The following MECOM variants were observed in gnomAD, a reference collection of about 807,000 sequenced individuals.
MECOM encodes the protein MDS1 and EVI1 complex locus.
MECOM carries 13 observed loss-of-function variants against 116.3 expected under a neutral mutation model. That is an observed-to-expected ratio of 0.11 (90% CI 0.07 to 0.18). MECOM has a LOEUF of 0.18. Among genes scored for constraint, MECOM ranks in the 10% least tolerant of loss-of-function variants. The pLI, the probability that MECOM is intolerant of heterozygous loss-of-function variation, is 1.00. For missense variants in MECOM, 1,299 were observed against 1,509.0 expected (o/e 0.86, Z 2.31); for synonymous variants, 528 against 535.2 (o/e 0.99, Z 0.19).
intron 1 of MECOM, among the ~76,000 whole-genome samples, chr3:169,514,079 T>C (rs1214321625): frequency 6.6e-6 from 1 of 152,140 alleles, no homozygotes; most frequent in Non-Finnish European, 1.5e-5. Context: ...AGAAATCTAA[T>C]TTTAGGGGGA....
chr3:169,187,733 G>T (rs1746969321), intron 2 of MECOM, among the ~76,000 whole-genome samples: 1 of 152,104 alleles, frequency 6.6e-6, no homozygotes, highest in Admixed American at 6.6e-5. Flanking sequence ...CAAGAGACCA[G>T]ACATACCTGC....
chr3:169,549,555 T>A (rs1761121526), intron 1 of MECOM, among the ~76,000 whole-genome samples: 1 of 152,138 alleles, frequency 6.6e-6, no homozygotes, highest in Non-Finnish European at 1.5e-5. Context: ...GTGGACTGCC[T>A]TAGATTGTTC....
At chr3:169,593,949 T>C (rs184394623) in intron 1 of MECOM, among the ~76,000 whole-genome samples, 129 of 151,978 alleles carry the variant, frequency 8.5e-4, no homozygotes, top group Middle Eastern at 3.4e-3. Context: ...TGAAACCTTG[T>C]CTCTACTAAA....
At chr3:169,454,899 G>A (rs542763182) in intron 1 of MECOM, among the ~76,000 whole-genome samples, 23 of 152,152 alleles carry the variant, frequency 1.5e-4, no homozygotes, top group Non-Finnish European at 2.9e-4. Context: ...ACCAAAGATT[G>A]GCTGCTTTAT....
rs375354141 is a variant in MECOM, at chr3:169,594,680, C to T, written c.37+68656G>A. Among the ~76,000 whole-genome samples, 9 of 151,390 alleles carry T rather than the reference C, an allele frequency of 5.9e-5. No homozygotes were observed. In the East Asian group the frequency reaches 1.2e-3, roughly 20 times the overall value. On this transcript the variant is annotated intron_variant, in intron 1 of 16. Transcript: ENST00000651503. ...TGAGCAAGGGAGATCCAGGCCCATC[C>T]GCTCCCACTAGTCCATCTGCAGGCA...
chr3:169,445,599 C>G (rs1744487796), intron 1 of MECOM, among the ~76,000 whole-genome samples: 1 of 152,190 alleles, frequency 6.6e-6, no homozygotes, highest in Non-Finnish European at 1.5e-5. Context: ...TGTGGGGTCA[C>G]AGCCCCCACA....
chr3:169,289,294 T>A (rs536350112), intron 2 of MECOM, among the ~76,000 whole-genome samples: 1 of 152,332 alleles, frequency 6.6e-6, no homozygotes. Context: ...AACAAGAACC[T>A]CCTCGTGGAT....
chr3:169,468,169 GT>G (rs1295464388), intron 1 of MECOM, among the ~76,000 whole-genome samples: 1 of 150,752 alleles, frequency 6.6e-6, no homozygotes, highest in Non-Finnish European at 1.5e-5. Context: ...CTCTCCCAGG[GT>G]TCCCTACACT....
At chr3:169,442,703 G>A (rs1005190098) in intron 1 of MECOM, among the ~76,000 whole-genome samples, 2 of 152,178 alleles carry the variant, frequency 1.3e-5, no homozygotes, top group Admixed American at 6.5e-5. Context: ...TTCTAAAAGT[G>A]AGGCTATTGC....
chr3:169,387,515 C>A (rs1194054604), intron 1 of MECOM, among the ~76,000 whole-genome samples: 2 of 152,174 alleles, frequency 1.3e-5, no homozygotes, highest in African/African-American at 4.8e-5. Flanking sequence ...TCAGCATTAT[C>A]ATTAGTGATA....
chr3:169,186,194 A>G (rs897068415), intron 2 of MECOM, among the ~76,000 whole-genome samples: 2 of 152,134 alleles, frequency 1.3e-5, no homozygotes, highest in Non-Finnish European at 2.9e-5. Context: ...GTTATAGCTT[A>G]TTTCCAATAC....
At chr3:169,158,079 T>G (rs1425629617) in intron 2 of MECOM, among the ~76,000 whole-genome samples, 2 of 152,174 alleles carry the variant, frequency 1.3e-5, no homozygotes, top group African/African-American at 4.8e-5. Flanking sequence ...CCACATCCAT[T>G]CTACAAGAGC....
chr3:169,436,025 T>C (rs906105542), intron 1 of MECOM, among the ~76,000 whole-genome samples: 1 of 152,202 alleles, frequency 6.6e-6, no homozygotes, highest in Non-Finnish European at 1.5e-5. Flanking sequence ...GTTAATAACA[T>C]AGGCACTTGC....
At chr3:169,519,897 G>A (rs1272885630) in intron 1 of MECOM, among the ~76,000 whole-genome samples, 1 of 152,216 alleles carries the variant, frequency 6.6e-6, no homozygotes, top group Non-Finnish European at 1.5e-5. Context: ...ACTCCATCCT[G>A]TCTCACCCCA....
intron 1 of MECOM, among the ~76,000 whole-genome samples, chr3:169,448,634 G>T (rs1315161203): frequency 2.0e-5 from 3 of 152,100 alleles, no homozygotes; most frequent in Admixed American, 2.0e-4. Flanking sequence ...CCCCTGGCCT[G>T]GGAAGAGGAG....
chr3:169,449,814 C>G (rs1037485680), intron 1 of MECOM, among the ~76,000 whole-genome samples: 3 of 152,160 alleles, frequency 2.0e-5, no homozygotes, highest in Non-Finnish European at 4.4e-5. Flanking sequence ...GAAATCCTCA[C>G]TTTCCTTAAT....
chr3:169,117,049 T>A (rs2149085243), intron 7 of MECOM, among the ~76,000 whole-genome samples: 1 of 152,324 alleles, frequency 6.6e-6, no homozygotes, highest in East Asian at 1.9e-4. Context: ...TTAAATTCCA[T>A]CATGCATTGA....
chr3:169,267,591 G>A (rs1328554142), intron 2 of MECOM, among the ~76,000 whole-genome samples: 1 of 152,100 alleles, frequency 6.6e-6, no homozygotes, highest in Admixed American at 6.6e-5. Context: ...TGGAACATTA[G>A]CCTATGTTTG....
intron 1 of MECOM, among the ~76,000 whole-genome samples, chr3:169,519,187 T>C (rs191728137): frequency 1.6e-4 from 24 of 152,344 alleles, no homozygotes; most frequent in African/African-American, 5.3e-4. Context: ...TTGTCCAGTT[T>C]GAAAAACAAC....
Sources: allele counts gnomAD v4.1 joint callset (sites outside exome capture counted in the v4.1 genomes callset), GRCh38; gene constraint gnomAD v4.1.1; transcripts MANE v1.5; gene names NCBI Gene and HGNC (gene_info 2026-07-23, HGNC 2026-07-21).